SCYL2: variants seen among roughly 807,000 people sequenced by gnomAD.
SCYL2 encodes the protein SCY1-like protein 2.
Under a neutral mutation model 100.4 loss-of-function variants are expected in SCYL2, and 36 were observed. The ratio of observed to expected loss-of-function variants is 0.36; its 90% CI spans 0.27 to 0.47. The LOEUF (loss-of-function observed/expected upper bound fraction) is 0.47. Ranked by LOEUF, SCYL2 falls within the 20% of genes least tolerant of loss-of-function variation. SCYL2 has a pLI of 1.00. For missense variants in SCYL2, 902 were observed against 1,083.9 expected (o/e 0.83, Z 2.36); for synonymous variants, 330 against 359.2 (o/e 0.92, Z 0.92).
At chr12:100,323,798 T>C (rs975305971) in intron 11 of SCYL2, 160 bp downstream of exon 11, 7 of 444,398 alleles carry the variant, frequency 1.6e-5, no homozygotes, top group African/African-American at 1.4e-4. Context: ...TAGTTTTCTT[T>C]GATACATAAT....
intron 5 of SCYL2, 32 bp from the exon 6 acceptor site, chr12:100,312,400 A>G: frequency 1.4e-6 from 2 of 1,441,454 alleles, no homozygotes; most frequent in Non-Finnish European, 2.0e-6. Context: ...TTGAATTTGA[A>G]GTAACCCATG....
At chr12:100,287,337 G>T (rs1276069893) in intron 2 of SCYL2, among the ~76,000 whole-genome samples, 1 of 152,020 alleles carries the variant, frequency 6.6e-6, no homozygotes. Flanking sequence ...TCAGGCTGGG[G>T]TGCAATGACT....
intron 16 of SCYL2, among the ~76,000 whole-genome samples, chr12:100,336,222 C>T (rs1006504704): frequency 2.6e-5 from 4 of 152,090 alleles, no homozygotes; most frequent in Non-Finnish European, 5.9e-5. Context: ...TGCTTCTGCT[C>T]CTGTGTTGAT....
At chr12:100,308,163 A>G (rs1275163094) in intron 4 of SCYL2, among the ~76,000 whole-genome samples, 1 of 152,192 alleles carries the variant, frequency 6.6e-6, no homozygotes, top group Admixed American at 6.5e-5. Context: ...ATTATAAATG[A>G]TTCTACTATA....
At chr12:100,310,329 T>G (rs758234284) in intron 4 of SCYL2, among the ~76,000 whole-genome samples, 15 of 152,194 alleles carry the variant, frequency 9.9e-5, no homozygotes, top group Non-Finnish European at 1.5e-4. Flanking sequence ...GTAGCCATCC[T>G]CATGGATGTG....
chr12:100,325,051 G>T (rs1022359043), intron 11 of SCYL2, among the ~76,000 whole-genome samples: 4 of 152,152 alleles, frequency 2.6e-5, no homozygotes, highest in African/African-American at 9.7e-5. Flanking sequence ...AACACAGCGA[G>T]ACCTCGTCTC....
chr12:100,278,136 T>G (rs1826575626), intron 1 of SCYL2, among the ~76,000 whole-genome samples: 1 of 152,194 alleles, frequency 6.6e-6, no homozygotes, highest in African/African-American at 2.4e-5. Flanking sequence ...GAAAAGTATT[T>G]TATATACCCA....
chr12:100,285,433 G>T (rs761442254), intron 2 of SCYL2, among the ~76,000 whole-genome samples: 6 of 152,144 alleles, frequency 3.9e-5, no homozygotes, highest in Admixed American at 3.9e-4. Flanking sequence ...CACATATGAC[G>T]CATTACCTAG....
Position 100,298,103 on chromosome 12 carries a change from A to C in SCYL2, c.408A>C (p.Leu136=). 6.2e-7 allele frequency: 1 copy of C among 1,609,524 alleles called. No individual in the cohort carries two copies. Among genetic ancestry groups the C allele is most frequent in the Non-Finnish European group, 8.5e-7 (1 of 1,177,032 alleles). The change falls in exon 4 of 18, where the codon CTA becomes CTC. Residue 136 remains leucine, a synonymous_variant. Transcript: ENST00000360820. ...LANVLGNWEN[L]PSPISPDIKD... ...ATGTTCTTGGTAACTGGGAAAATCT[A>C]CCTTCCCCTATATCTCCAGACATTA...
At chr12:100,276,527 A>C (rs528477780) in intron 1 of SCYL2, among the ~76,000 whole-genome samples, 1 of 152,034 alleles carries the variant, frequency 6.6e-6, no homozygotes, top group South Asian at 2.1e-4. Context: ...TTGTAGAAAC[A>C]GGGTCTCCTT....
intron 3 of SCYL2, among the ~76,000 whole-genome samples, chr12:100,295,554 T>C (rs2096318770): frequency 1.3e-5 from 2 of 151,570 alleles, no homozygotes; most frequent in South Asian, 4.2e-4. Context: ...CGAAAACCAG[T>C]CAGGCGTGGC....
At position 100,337,505 on chromosome 12, in the gene SCYL2, A is replaced by G. The variant is rs1592974812; in HGVS notation, c.2144A>G (p.Gln715Arg). 3 of 1,613,516 alleles carry G rather than the reference A, an allele frequency of 1.9e-6. No individual in the cohort carries two copies. Among genetic ancestry groups the G allele is most frequent in the Non-Finnish European group, 2.5e-6 (3 of 1,179,542 alleles). ...QVHTPVATVK[Q>R]TKDLTDTLMD... ...CACACACCTGTTGCTACTGTTAAAC[A>G]GGTCAGAGTTCATTTCTTTTGTGTA... The change falls in exon 17 of 18, where the codon CAG (glutamine) becomes CGG (arginine). Residue 715 changes from glutamine to arginine, a missense_variant and splice_region_variant. Transcript: ENST00000360820.
intron 1 of SCYL2, among the ~76,000 whole-genome samples, chr12:100,280,940 TAAC>T (rs987292947): frequency 6.7e-6 from 1 of 150,214 alleles, no homozygotes; most frequent in African/African-American, 2.4e-5. Context: ...TAGTCATTAA[TAAC>T]AAACCTATGT....
intron 10 of SCYL2, among the ~76,000 whole-genome samples, chr12:100,318,641 T>C (rs542902359): frequency 6.6e-6 from 1 of 152,290 alleles, no homozygotes; most frequent in Non-Finnish European, 1.5e-5. Context: ...CACGTGTGCC[T>C]TTTTCTCATG....
chr12:100,282,705 G>A (rs971908670), intron 1 of SCYL2, among the ~76,000 whole-genome samples: 2 of 152,172 alleles, frequency 1.3e-5, no homozygotes, highest in Admixed American at 6.5e-5. Context: ...TCAAGTGTGA[G>A]TATATCTTTT....
At chr12:100,292,307 CTG>C (rs927709210) in intron 3 of SCYL2, among the ~76,000 whole-genome samples, 1 of 152,182 alleles carries the variant, frequency 6.6e-6, no homozygotes, top group African/African-American at 2.4e-5. Context: ...TCTCAGCAGA[CTG>C]TATTCCCCTC....
In SCYL2 at chr12:100,323,497, A is replaced by G. The variant is rs373392347; in HGVS notation, c.1396-28A>G. The G allele has an allele frequency of 2.4e-6, 3 of 1,272,170 alleles. No homozygotes were observed. The African/African-American group carries it at 4.5e-5, about 19-fold the overall frequency. The allele number at this position is 1,272,170 out of a possible 1,614,324, so 78.8% of individuals were successfully genotyped here. A position where few individuals can be genotyped will look rare whatever the true frequency, so the allele number is the denominator to read the frequency against. On this transcript the variant is annotated intron_variant, in intron 10 of 17. Transcript: ENST00000360820. ...GAGAGAAAAGATGAGTCTTTCCCTA[A>G]TATTGATTCAGTTTATTTTCTTTAT...
intron 5 of SCYL2, among the ~76,000 whole-genome samples, chr12:100,311,481 C>T (rs2096342099): frequency 6.6e-6 from 1 of 151,668 alleles, no homozygotes; most frequent in African/African-American, 2.4e-5. Flanking sequence ...ATGTGACTCT[C>T]TAGCAGTGTT....
chr12:100,299,759 C>T (rs1044938529), intron 4 of SCYL2, among the ~76,000 whole-genome samples: 1 of 151,510 alleles, frequency 6.6e-6, no homozygotes, highest in African/African-American at 2.4e-5. Context: ...AGTCCATTTG[C>T]CTGTTCATAA....
Sources: gnomAD v4.1 joint callset for allele counts (sites outside exome capture counted in the v4.1 genomes callset) on GRCh38, gnomAD v4.1.1 for gene constraint, MANE v1.5 for transcripts, NCBI Gene and HGNC (gene_info 2026-07-23, HGNC 2026-07-21) for gene names.